HOATZ: variants seen among roughly 807,000 people sequenced by gnomAD.
HOATZ encodes cilia- and flagella-associated protein HOATZ.
HOATZ carries 26 observed loss-of-function variants against 24.9 expected under a neutral mutation model. The observed-to-expected ratio is 1.04, with a 90% CI of 0.76 to 1.45. The LOEUF is 1.45. Ranked by LOEUF, HOATZ falls within the 40% of genes most tolerant of loss-of-function variation. The probability of loss-of-function intolerance (pLI) is 0.00; values close to 1 mark genes in which losing one functional copy is unlikely to be tolerated. For synonymous variants in HOATZ, 83 were observed against 76.6 expected, an observed-to-expected ratio of 1.08 and a Z score of -0.43; for missense variants, 226 against 201.5, an observed-to-expected ratio of 1.12 and a Z score of -0.74.
At chr11:111,522,698 G>T (rs905596059) in intron 3 of HOATZ, among the ~76,000 whole-genome samples, 2 of 152,122 alleles carry the variant, frequency 1.3e-5, no homozygotes, top group African/African-American at 4.8e-5. Context: ...TGGCAATATA[G>T]TAGATCCTCA....
chr11:111,515,355 G>T (rs1867174598), intron 1 of HOATZ, among the ~76,000 whole-genome samples, 156 bp from the exon 2 acceptor site: 1 of 152,216 alleles, frequency 6.6e-6, no homozygotes. Flanking sequence ...TGAAGGTGGA[G>T]TCAACATTAC....
chr11:111,535,642 A>G (rs1867442493), intron 5 of HOATZ: 2 of 151,896 alleles, frequency 1.3e-5, no homozygotes, highest in African/African-American at 2.4e-5. Context: ...TCTTCCTACT[A>G]TTAACTTCTT....
intron 2 of HOATZ, 101 bp from the exon 3 acceptor site, chr11:111,515,939 C>T: frequency 1.3e-6 from 1 of 765,288 alleles, no homozygotes. Context: ...TACCTTCCTA[C>T]TCTATGTATT....
chr11:111,534,543 C>T lies in HOATZ; in HGVS notation c.452+79C>T, dbSNP rs549928086. On this transcript the variant is annotated intron_variant, in intron 5 of 5. Coordinates refer to ENST00000375618, the MANE Select transcript of HOATZ (RefSeq NM_001100388.2). ...GAAGCATTTCTTTTTTCTTACTTTG[C>T]CACTTACCCTTAAATCTTCTAGAAA... 563 of 1,142,074 alleles carry T rather than the reference C, an allele frequency of 4.9e-4. 6 individuals carry two copies. In the South Asian group the frequency reaches 6.9e-3, roughly 14 times the overall value. 70.7% of individuals were successfully genotyped at this position (1,142,074 alleles called of 1,614,324 possible).
intron 3 of HOATZ, among the ~76,000 whole-genome samples, chr11:111,516,867 A>G (rs2135772499): frequency 6.6e-6 from 1 of 152,358 alleles, no homozygotes; most frequent in East Asian, 1.9e-4. Context: ...TCAGCTGAGC[A>G]CAGTTCTCTT....
Position 111,516,035 on chromosome 11 carries a change from T to G in HOATZ, c.269-5T>G, listed in dbSNP as rs1383926508. ...TCAGATTGAATTTGACTTTATTCCC[T>G]CTAGAAAATAGAGACATCTTTGCCG... is the stretch of plus-strand genomic sequence containing the variant. On this transcript the variant is annotated splice_polypyrimidine_tract_variant and splice_region_variant and intron_variant, in intron 2 of 5. Transcript: ENST00000375618. 8.4e-6 allele frequency: 13 copies of G among 1,544,896 alleles called. No individual in the cohort carries two copies. The highest frequency in any genetic ancestry group is 1.1e-5 in the Non-Finnish European group (13 of 1,133,150).
Position 111,534,400 on chromosome 11 carries a change from G to A in HOATZ, c.400-12G>A. The A allele has an allele frequency of 6.2e-7, 1 of 1,601,014 alleles. No homozygotes were observed. Among genetic ancestry groups the A allele is most frequent in the Non-Finnish European group, 8.6e-7 (1 of 1,169,384 alleles). ...ATTTTACCTTTTTGATTTTTATTTTGTTTTGTTTCAGAAAGAACTGATTTC... is the reference window on the plus strand; with the variant it reads ...ATTTTACCTTTTTGATTTTTATTTTATTTTGTTTCAGAAAGAACTGATTTC... On this transcript the variant is annotated splice_polypyrimidine_tract_variant and intron_variant, in intron 4 of 5. Transcript: ENST00000375618.
intron 3 of HOATZ, chr11:111,525,099 G>C (rs1015360542): frequency 2.9e-5 from 7 of 241,032 alleles, no homozygotes; most frequent in African/African-American, 1.4e-4. Context: ...TTGAACTCTT[G>C]AGCTCAAGCG....
intron 3 of HOATZ, among the ~76,000 whole-genome samples, chr11:111,529,873 G>A (rs1363343758): frequency 6.6e-6 from 1 of 152,080 alleles, no homozygotes; most frequent in African/African-American, 2.4e-5. Context: ...AATTTGCACT[G>A]CATATTTAAT....
At position 111,516,178 on chromosome 11, in the gene HOATZ, A is replaced by T. The variant is rs559925272; in HGVS notation, c.339+68A>T. On this transcript the variant is annotated intron_variant, in intron 3 of 5. Coordinates refer to ENST00000375618, the MANE Select transcript of HOATZ (RefSeq NM_001100388.2). ...TCTAAATAATCTTGATTTTTTAAAC[A>T]CATGTATATTTAAAAATCTGCTACT... 3.1e-6 allele frequency: 3 copies of T among 972,360 alleles called. No homozygotes were observed. The South Asian group carries it at 4.9e-5, about 16-fold the overall frequency. The allele number at this position is 972,360 out of a possible 1,614,324, so 60.2% of individuals were successfully genotyped here. A position where few individuals can be genotyped will look rare whatever the true frequency, so the allele number is the denominator to read the frequency against.
chr11:111,525,184 A>G (rs1311624482), intron 3 of HOATZ, among the ~76,000 whole-genome samples: 1 of 152,166 alleles, frequency 6.6e-6, no homozygotes, highest in African/African-American at 2.4e-5. Flanking sequence ...AAATGTGCAT[A>G]TTTTCATTGT....
intron 3 of HOATZ, among the ~76,000 whole-genome samples, chr11:111,519,594 T>C (rs1336473190): frequency 6.6e-6 from 1 of 152,188 alleles, no homozygotes; most frequent in African/African-American, 2.4e-5. Flanking sequence ...AAATCGATAA[T>C]GTTGTCTCTG....
At chr11:111,529,239 G>A (rs756564901) in intron 3 of HOATZ, among the ~76,000 whole-genome samples, 5 of 152,096 alleles carry the variant, frequency 3.3e-5, no homozygotes, top group African/African-American at 9.7e-5. Flanking sequence ...GACTAAAAGG[G>A]TAACTCTCAA....
intron 5 of HOATZ, chr11:111,535,391 T>C (rs1360163715): frequency 3.3e-5 from 5 of 152,184 alleles, no homozygotes; most frequent in Admixed American, 3.3e-4. Context: ...ACGATACCAA[T>C]AGTGGATGAA....
At chr11:111,519,065 T>A (rs1297036798) in intron 3 of HOATZ, 2 of 455,798 alleles carry the variant, frequency 4.4e-6, no homozygotes, top group Admixed American at 4.7e-5. Flanking sequence ...TTTGGAAGCC[T>A]AACTCTGCCA....
rs1490284417 is a variant in HOATZ at position 111,524,888 on chromosome 11, G to T, written c.339+8778G>T. On this transcript the variant is annotated intron_variant, in intron 3 of 5. Coordinates refer to ENST00000375618, the MANE Select transcript of HOATZ (RefSeq NM_001100388.2). ...TTTCTTTTCTTTTTTTTTAGACAAG[G>T]TCTCACTCTGTCACCCAGAATGAAG... 7 of 444,530 alleles carry T rather than the reference G, an allele frequency of 1.6e-5. No homozygotes were observed. In the East Asian group the frequency reaches 3.6e-4, roughly 23 times the overall value. The allele number at this position is 444,530 out of a possible 1,614,324, so 27.5% of individuals were successfully genotyped here. A position where few individuals can be genotyped will look rare whatever the true frequency, so the allele number is the denominator to read the frequency against.
chr11:111,521,110 C>A (rs1867264002), intron 3 of HOATZ, among the ~76,000 whole-genome samples: 1 of 152,020 alleles, frequency 6.6e-6, no homozygotes, highest in African/African-American at 2.4e-5. Context: ...TTCCAAGAAC[C>A]CAACAAGGTG....
intron 3 of HOATZ, among the ~76,000 whole-genome samples, chr11:111,523,205 CTTTTTTTTTTTT>C (rs747393521): frequency 1.1e-5 from 1 of 94,270 alleles, no homozygotes; most frequent in Non-Finnish European, 2.2e-5. Flanking sequence ...TAAGTGTTCA[CTTTTTTTTTTTT>C]TTTTTTTTTT....
intron 4 of HOATZ, 63 bp from the exon 5 acceptor site, chr11:111,534,349 A>G (rs1199709853): frequency 1.7e-6 from 2 of 1,191,098 alleles, no homozygotes; most frequent in Admixed American, 3.7e-5. Flanking sequence ...TCAAATGAGT[A>G]AATTCCAATC....
Sources: gnomAD v4.1 joint callset for allele counts (sites outside exome capture counted in the v4.1 genomes callset) on GRCh38, gnomAD v4.1.1 for gene constraint, MANE v1.5 for transcripts, NCBI Gene and HGNC (gene_info 2026-07-23, HGNC 2026-07-21) for gene names.